The following KIRREL3 variants were observed in gnomAD, a reference collection of about 807,000 sequenced individuals.
KIRREL3 encodes the protein kin of IRRE-like protein 3.
KIRREL3 carries 36 observed loss-of-function variants against 89.7 expected under a neutral mutation model. The observed-to-expected ratio is 0.40, with a 90% CI of 0.31 to 0.53. The LOEUF is 0.53. Ranked by LOEUF, KIRREL3 falls within the 20% of genes least tolerant of loss-of-function variation. The probability of loss-of-function intolerance (pLI) is 0.49; values close to 1 mark genes in which losing one functional copy is unlikely to be tolerated. For synonymous variants in KIRREL3, 445 were observed against 441.4 expected, an observed-to-expected ratio of 1.01 and a Z score of -0.10; for missense variants, 864 against 1,056.6, an observed-to-expected ratio of 0.82 and a Z score of 2.53.
At chr11:126,789,110 G>A (rs1450958009) in intron 1 of KIRREL3, among the ~76,000 whole-genome samples, 1 of 152,166 alleles carries the variant, frequency 6.6e-6, no homozygotes, top group Non-Finnish European at 1.5e-5. Flanking sequence ...GAGCTCTTTA[G>A]GGGCATGGAC....
intron 1 of KIRREL3, among the ~76,000 whole-genome samples, chr11:126,934,315 AAAT>A (rs1286357615): frequency 6.6e-6 from 1 of 152,224 alleles, no homozygotes; most frequent in Non-Finnish European, 1.5e-5. Flanking sequence ...AATTAACCCC[AAAT>A]TGATATTGAC....
rs1327692660 is a variant in KIRREL3 at position 126,965,694 on chromosome 11, T to C, written c.55+34761A>G. Reference sequence around the variant, plus strand: ...GAAACCTCAGCCAAAAGAAGATCAATAAATATTATTTCCTTCTGACTTTGG... The same window carrying C: ...GAAACCTCAGCCAAAAGAAGATCAACAAATATTATTTCCTTCTGACTTTGG... On this transcript the variant is annotated intron_variant, in intron 1 of 16. Transcript: ENST00000525144. The surrounding 1 kb of genome is among the most constrained non-coding windows in gnomAD (Gnocchi z 4.4). Among the ~76,000 whole-genome samples, 1 of 152,220 alleles carries C rather than the reference T, an allele frequency of 6.6e-6. No homozygotes were observed. The highest frequency in any genetic ancestry group is 1.5e-5 in the Non-Finnish European group (1 of 68,040).
At chr11:126,894,573 AAAAG>A (rs534000266) in intron 1 of KIRREL3, among the ~76,000 whole-genome samples, 2,151 of 136,764 alleles carry the variant, frequency 0.016, 28 homozygotes, top group Non-Finnish European at 0.022. Context: ...AAAAAAAAGG[AAAAG>A]AAAGAAAGAA....
chr11:126,541,083 AC>A lies in KIRREL3; in HGVS notation c.134-14397del, dbSNP rs1938330166. On this transcript the variant is annotated intron_variant, in intron 2 of 16. Transcript: ENST00000525144. The surrounding 1 kb of genome is among the most constrained non-coding windows in gnomAD (Gnocchi z 4.8). ...GCTACAGCAGACAGAGTGCCCATCAACCCCTCTCAGAGGGCGTCAGCGTGGG... is the reference window on the plus strand; with the variant it reads ...GCTACAGCAGACAGAGTGCCCATCAACCCTCTCAGAGGGCGTCAGCGTGGG... 6.6e-6 allele frequency among the ~76,000 whole-genome samples: 1 copy of A among 152,104 alleles called. No homozygotes were observed. Among genetic ancestry groups the A allele is most frequent in the Non-Finnish European group, 1.5e-5 (1 of 68,020 alleles).
Position 126,924,332 on chromosome 11 carries a change from T to C in KIRREL3, c.55+76123A>G, listed in dbSNP as rs1348609216. Among the ~76,000 whole-genome samples, 2 of 152,206 alleles carry C rather than the reference T, an allele frequency of 1.3e-5. No individual in the cohort carries two copies. The highest frequency in any genetic ancestry group is 2.9e-5 in the Non-Finnish European group (2 of 68,018). On this transcript the variant is annotated intron_variant, in intron 1 of 16. Transcript: ENST00000525144. This position sits in a 1 kb window ranked among gnomAD's most constrained non-coding sequence, Gnocchi z 4.7. ...AAAGCACAAATGAGGTCTGTCTCATTCTCTTGCTTACACCCTTCAGAAAGC... is the reference window on the plus strand; with the variant it reads ...AAAGCACAAATGAGGTCTGTCTCATCCTCTTGCTTACACCCTTCAGAAAGC...
Position 126,454,482 on chromosome 11 carries a change from G to T in KIRREL3, c.848+1867C>A, listed in dbSNP as rs550113769. On this transcript the variant is annotated intron_variant, in intron 7 of 16. Transcript: ENST00000525144. The surrounding 1 kb of genome is among the most constrained non-coding windows in gnomAD (Gnocchi z 5.8). ...GTGAGGGTGAATAGGGGTGCTTGCCGGGTGGTCTGTGGGTGTGAAGGGCTG... is the reference window on the plus strand; with the variant it reads ...GTGAGGGTGAATAGGGGTGCTTGCCTGGTGGTCTGTGGGTGTGAAGGGCTG... 1.2e-4 allele frequency among the ~76,000 whole-genome samples: 18 copies of T among 152,318 alleles called. No homozygotes were observed. Among genetic ancestry groups the T allele is most frequent in the African/African-American group, 4.3e-4 (18 of 41,572 alleles).
At position 126,562,987 on chromosome 11, in the gene KIRREL3, G is replaced by C. The variant is rs572828528; in HGVS notation, c.56-75C>G. On this transcript the variant is annotated intron_variant, in intron 1 of 16. Transcript: ENST00000525144. This position sits in a 1 kb window ranked among gnomAD's most constrained non-coding sequence, Gnocchi z 4.7. ...ATTGTTGGGGGGCCCTCTGCAGGGG[G>C]CTGTGGAGCTTGTTGCTCTTATAAA... The C allele has an allele frequency of 1.1e-5, 11 of 1,020,302 alleles. No individual in the cohort carries two copies. The African/African-American group carries it at 1.1e-4, about 10-fold the overall frequency. 63.2% of individuals were successfully genotyped at this position (1,020,302 alleles called of 1,614,324 possible).
rs1949377717 is a variant in KIRREL3, at chr11:126,752,811, G to A, written c.56-189899C>T. On this transcript the variant is annotated intron_variant, in intron 1 of 16. Coordinates refer to ENST00000525144, the MANE Select transcript of KIRREL3 (RefSeq NM_032531.4). The surrounding 1 kb of genome is among the most constrained non-coding windows in gnomAD (Gnocchi z 4.8). ...CATGTTTCCTTGGGAATTTCAGGAG[G>A]AAATGGAGCTGGAAAGGTGGTGTTG... Among the ~76,000 whole-genome samples the A allele has an allele frequency of 2.0e-5, 3 of 152,202 alleles. No homozygotes were observed. Among genetic ancestry groups the A allele is most frequent in the Admixed American group, 2.0e-4 (3 of 15,288 alleles).
Position 126,446,765 on chromosome 11 carries a change from G to A in KIRREL3, c.1119C>T (p.Ser373=), listed in dbSNP as rs779609038. The change falls in exon 9 of 17, where the codon TCC becomes TCT. Residue 373 remains serine (S), a synonymous_variant. Coordinates refer to ENST00000525144, the MANE Select transcript of KIRREL3 (RefSeq NM_032531.4). ...GTCTGAGCTGCAGCCTCACCACTCC[G>A]GAGCCCCGCTTCATCCAGACGATGG... ...SLTIVWMKRG[S]GVVLSNEKTL... is the part of the protein sequence containing the mutation. 95 of 1,599,820 alleles carry A rather than the reference G, an allele frequency of 5.9e-5. 1 individual carries two copies. The East Asian group carries it at 7.2e-4, about 12-fold the overall frequency.
chr11:126,952,530 T>C (rs1190058625), intron 1 of KIRREL3, among the ~76,000 whole-genome samples: 1 of 152,216 alleles, frequency 6.6e-6, no homozygotes, highest in East Asian at 1.9e-4. Flanking sequence ...ATTTTTTAGG[T>C]TGTCTGTTCA....
Position 126,587,349 on chromosome 11 carries a change from G to C in KIRREL3, c.56-24437C>G, listed in dbSNP as rs1055559323. ...GTGATGGCATGTTTGGTCTGGCCTG[G>C]AGCAGAGCTGCAGGGGAAGCTGTGA... On this transcript the variant is annotated intron_variant, in intron 1 of 16. Transcript: ENST00000525144. This position sits in a 1 kb window ranked among gnomAD's most constrained non-coding sequence, Gnocchi z 5.2. 6.6e-6 allele frequency among the ~76,000 whole-genome samples: 1 copy of C among 152,184 alleles called. No homozygotes were observed. Among genetic ancestry groups the C allele is most frequent in the Non-Finnish European group, 1.5e-5 (1 of 68,024 alleles).
intron 11 of KIRREL3, 29 bp downstream of exon 11, chr11:126,440,420 C>A: frequency 5.8e-6 from 9 of 1,545,222 alleles, no homozygotes; most frequent in Non-Finnish European, 7.9e-6. Context: ...GCTGGCCCGG[C>A]CCCCGCCCGC....
At chr11:126,779,566 A>C (rs1285332765) in intron 1 of KIRREL3, among the ~76,000 whole-genome samples, 1 of 152,136 alleles carries the variant, frequency 6.6e-6, no homozygotes, top group African/African-American at 2.4e-5. Flanking sequence ...AATTGTTTTT[A>C]TGTGTATATC....
In KIRREL3 at chr11:126,476,135, C is replaced by T. The variant is rs571801307; in HGVS notation, c.434-2669G>A. ...TCTGGGAACTGACCGCTCTCCAGCA[C>T]GGACATTTACTGGGCCTTGGACAGG... On this transcript the variant is annotated intron_variant, in intron 4 of 16. Coordinates refer to ENST00000525144, the MANE Select transcript of KIRREL3 (RefSeq NM_032531.4). The surrounding 1 kb of genome is among the most constrained non-coding windows in gnomAD (Gnocchi z 6.4). Among the ~76,000 whole-genome samples the T allele has an allele frequency of 1.0e-3, 159 of 152,322 alleles. 2 individuals carry two copies. The highest frequency in any genetic ancestry group is 0.01 in the South Asian group (49 of 4,824).
intron 1 of KIRREL3, among the ~76,000 whole-genome samples, chr11:126,819,462 G>T (rs1035489050): frequency 1.3e-5 from 2 of 152,236 alleles, no homozygotes; most frequent in Non-Finnish European, 2.9e-5. Context: ...CAGGGCCATT[G>T]TGTGGGAGGC....
At chr11:126,967,187 C>A (rs1028224215) in intron 1 of KIRREL3, among the ~76,000 whole-genome samples, 1 of 152,172 alleles carries the variant, frequency 6.6e-6, no homozygotes, top group Non-Finnish European at 1.5e-5. Context: ...AGACTGGAAC[C>A]CTTTGTCCAG....
At chr11:126,935,180 T>A (rs1948132173) in intron 1 of KIRREL3, 1 of 150,602 alleles carries the variant, frequency 6.6e-6, no homozygotes, top group Admixed American at 6.6e-5. Flanking sequence ...ACTACATACT[T>A]ATTATAATGA....
chr11:126,605,432 G>T lies in KIRREL3; in HGVS notation c.56-42520C>A, dbSNP rs776972208. Among the ~76,000 whole-genome samples the T allele has an allele frequency of 6.6e-6, 1 of 152,134 alleles. No individual in the cohort carries two copies. The highest frequency in any genetic ancestry group is 1.5e-5 in the Non-Finnish European group (1 of 68,030). ...GGCTCAGGGGGAGGAGTCCTGCGGT[G>T]ACTGCTGTGAAGTGGTGTGGGGGCT... On this transcript the variant is annotated intron_variant, in intron 1 of 16. Coordinates refer to ENST00000525144, the MANE Select transcript of KIRREL3 (RefSeq NM_032531.4). The surrounding 1 kb of genome is among the most constrained non-coding windows in gnomAD (Gnocchi z 5.7).
chr11:126,664,354 G>C lies in KIRREL3; in HGVS notation c.56-101442C>G, dbSNP rs936348781. Among the ~76,000 whole-genome samples the C allele has an allele frequency of 3.3e-5, 5 of 152,062 alleles. No homozygotes were observed. The highest frequency in any genetic ancestry group is 1.2e-4 in the African/African-American group (5 of 41,414). On this transcript the variant is annotated intron_variant, in intron 1 of 16. Coordinates refer to ENST00000525144, the MANE Select transcript of KIRREL3 (RefSeq NM_032531.4). This position sits in a 1 kb window ranked among gnomAD's most constrained non-coding sequence, Gnocchi z 5.4. ...TTGTCCTATGTGACAGGCAGGGCAA[G>C]AGTAAGAGAGCAGGCACGCAGAGGC...
Sources: gnomAD v4.1 joint callset for allele counts (sites outside exome capture counted in the v4.1 genomes callset) on GRCh38, gnomAD v4.1.1 for gene constraint, Gnocchi (gnomAD v3.1) non-coding constraint, MANE v1.5 for transcripts, NCBI Gene and HGNC (gene_info 2026-07-23, HGNC 2026-07-21) for gene names.